Variants in CTSZ observed in about 807,000 individuals in gnomAD.
The protein encoded by CTSZ is cathepsin Z.
A neutral mutation model predicts 32.4 loss-of-function variants in CTSZ; 39 were observed. That is an observed-to-expected ratio of 1.20 (90% CI 0.93 to 1.57). CTSZ has a LOEUF of 1.57. CTSZ is among the 40% of genes most tolerant of loss of function. The pLI, the probability that CTSZ is intolerant of heterozygous loss-of-function variation, is 0.00. For synonymous variants in CTSZ, 168 were observed against 170.1 expected, an observed-to-expected ratio of 0.99 and a Z score of 0.10; for missense variants, 397 against 419.6, an observed-to-expected ratio of 0.95 and a Z score of 0.47.
intron 1 of CTSZ, 107 bp downstream of exon 1, chr20:59,006,879 C>T (rs2091910579): frequency 2.4e-5 from 24 of 1,011,988 alleles, no homozygotes; most frequent in Non-Finnish European, 2.9e-5. Context: ...TGGATCTGAC[C>T]TTCCAAGGCC....
Position 58,995,570 on chromosome 20 carries a change from TG to T in CTSZ, c.*78del. 1 of 1,345,148 alleles carries T rather than the reference TG, an allele frequency of 7.4e-7. No homozygotes were observed. Among genetic ancestry groups the T allele is most frequent in the Non-Finnish European group, 1.1e-6 (1 of 942,732 alleles). The allele number at this position is 1,345,148 out of a possible 1,614,324, so 83.3% of individuals were successfully genotyped here. A position where few individuals can be genotyped will look rare whatever the true frequency, so the allele number is the denominator to read the frequency against. The stretch of plus-strand genomic sequence containing the variant: ...CCACCCCAGTTCCTGCCAGCCAGCC[TG>T]GCACACATAACCATAGGATCCCCTC... On this transcript the variant is annotated 3_prime_UTR_variant, in exon 6 of 6. Transcript: ENST00000217131.
At chr20:58,996,853 G>T in intron 4 of CTSZ, 52 bp from the exon 5 acceptor site, 1 of 1,586,200 alleles carries the variant, frequency 6.3e-7, no homozygotes, top group African/African-American at 1.3e-5. Flanking sequence ...AGAATTTACC[G>T]TCATTAGAAA....
chr20:58,995,267 T>G lies in CTSZ; in HGVS notation c.*382A>C, dbSNP rs140754734. 127 of 161,524 alleles carry G rather than the reference T, an allele frequency of 7.9e-4. No individual in the cohort carries two copies. Among genetic ancestry groups the G allele is most frequent in the Middle Eastern group, 2.9e-3 (1 of 346 alleles). The allele number at this position is 161,524 out of a possible 1,614,324, so 10.0% of individuals were successfully genotyped here. ...CCTCCCTCCCTCCCCCACCCTTGAT[T>G]CTAAAGTGACATAAGAATGGTGATA... On this transcript the variant is annotated 3_prime_UTR_variant, in exon 6 of 6. Coordinates refer to ENST00000217131, the MANE Select transcript of CTSZ (RefSeq NM_001336.4).
intron 3 of CTSZ, among the ~76,000 whole-genome samples, chr20:59,000,343 A>C (rs1005649610): frequency 1.8e-4 from 28 of 152,260 alleles, no homozygotes; most frequent in Non-Finnish European, 1.8e-4. Context: ...GTGCCATTGC[A>C]CTCCAGCCTG....
chr20:59,002,124 G>C lies in CTSZ; in HGVS notation c.308-480C>G, dbSNP rs1470777826. 6.6e-6 allele frequency among the ~76,000 whole-genome samples: 1 copy of C among 152,258 alleles called. No individual in the cohort carries two copies. The highest frequency in any genetic ancestry group is 1.5e-5 in the Non-Finnish European group (1 of 68,038). On this transcript the variant is annotated intron_variant, in intron 2 of 5. Coordinates refer to ENST00000217131, the MANE Select transcript of CTSZ (RefSeq NM_001336.4). The surrounding 1 kb of genome is among the most constrained non-coding windows in gnomAD (Gnocchi z 4.1). ...CAGGGAGCCGCATGAGCCCCAGTGA[G>C]GGGCCAGATGCGGTCCTGAGGGCTG...
chr20:59,006,965 T>C (rs1206390119), intron 1 of CTSZ, 21 bp downstream of exon 1: 43 of 1,410,424 alleles, frequency 3.0e-5, no homozygotes, highest in Non-Finnish European at 3.9e-5. Context: ...CCCCCAGGGC[T>C]GCCTCCCCGC....
Position 58,995,488 on chromosome 20 carries a change from ACT to A in CTSZ, c.*159_*160del, listed in dbSNP as rs1283890103. ...AGTGTCATAAGTCATCCCACTTTCAACTCTCAGGAACACTCGCAGCCAGTGCC... is the reference window on the plus strand; with the variant it reads ...AGTGTCATAAGTCATCCCACTTTCAACTCAGGAACACTCGCAGCCAGTGCC... On this transcript the variant is annotated 3_prime_UTR_variant, in exon 6 of 6. Coordinates refer to ENST00000217131, the MANE Select transcript of CTSZ (RefSeq NM_001336.4). 11 of 603,572 alleles carry A rather than the reference ACT, an allele frequency of 1.8e-5. 1 individual carries two copies. Among genetic ancestry groups the A allele is most frequent in the East Asian group, 8.5e-5 (3 of 35,174 alleles). 37.4% of individuals were successfully genotyped at this position (603,572 alleles called of 1,614,324 possible).
chr20:58,996,438 T>G (rs1429855421), intron 5 of CTSZ: 1 of 584,264 alleles, frequency 1.7e-6, no homozygotes, highest in Non-Finnish European at 3.0e-6. Context: ...ACACCCAAAG[T>G]GCACAGGATG....
At chr20:58,997,559 T>TCACCCGCGGGACCTTC (rs750082582) in intron 4 of CTSZ, 44 bp downstream of exon 4, 203 of 1,501,442 alleles carry the variant, frequency 1.4e-4, no homozygotes, top group African/African-American at 4.1e-4. Context: ...GCGGGACCTT[T>TCACCCGCGGGACCTTC]CCTCACCCGC....
At chr20:58,997,311 G>A (rs768878379) in intron 4 of CTSZ, 8 of 288,394 alleles carry the variant, frequency 2.8e-5, no homozygotes, top group Admixed American at 5.0e-5. Context: ...AGCTTGGAGC[G>A]TCTCATCCGC....
chr20:59,005,902 C>T (rs1272623448), intron 2 of CTSZ: 3 of 171,944 alleles, frequency 1.7e-5, no homozygotes, highest in Non-Finnish European at 2.5e-5. Flanking sequence ...CAGGTTAGGC[C>T]ATGGGCTGTA....
chr20:59,005,104 T>C (rs894604722), intron 2 of CTSZ, among the ~76,000 whole-genome samples: 5 of 152,042 alleles, frequency 3.3e-5, no homozygotes, highest in Non-Finnish European at 5.9e-5. Context: ...TGCCCAGTCC[T>C]CTGCCTCTAG....
In CTSZ at chr20:58,995,583, C is replaced by CAT; in HGVS notation, c.*64_*65dup. The CAT allele has an allele frequency of 6.8e-7, 1 of 1,462,966 alleles. No individual in the cohort carries two copies. Among genetic ancestry groups the CAT allele is most frequent in the Non-Finnish European group, 9.6e-7 (1 of 1,045,822 alleles). The allele number at this position is 1,462,966 out of a possible 1,614,324, so 90.6% of individuals were successfully genotyped here. On this transcript the variant is annotated 3_prime_UTR_variant, in exon 6 of 6. Coordinates refer to ENST00000217131, the MANE Select transcript of CTSZ (RefSeq NM_001336.4). The stretch of plus-strand genomic sequence containing the variant: ...TGCCAGCCAGCCTGGCACACATAAC[C>CAT]ATAGGATCCCCTCTGGTCATGGGTC...
At chr20:59,000,682 C>A (rs1459448161) in intron 3 of CTSZ, among the ~76,000 whole-genome samples, 1 of 152,162 alleles carries the variant, frequency 6.6e-6, no homozygotes, top group African/African-American at 2.4e-5. Context: ...CTCCACAAGG[C>A]CCCCTACACC....
Position 58,995,450 on chromosome 20 carries a change from GCC to G in CTSZ, c.*197_*198del. 1.9e-6 allele frequency: 1 copy of G among 520,066 alleles called. No homozygotes were observed. The highest frequency in any genetic ancestry group is 1.9e-5 in the African/African-American group (1 of 51,396). 32.2% of individuals were successfully genotyped at this position (520,066 alleles called of 1,614,324 possible). ...GCTGACTGCATCATTGTGAGGCAGA[GCC>G]ATGCTGTGCAAGTGTCATAAGTCAT... is the stretch of plus-strand genomic sequence containing the variant. On this transcript the variant is annotated 3_prime_UTR_variant, in exon 6 of 6. Coordinates refer to ENST00000217131, the MANE Select transcript of CTSZ (RefSeq NM_001336.4).
chr20:59,005,229 G>A (rs181975098), intron 2 of CTSZ, among the ~76,000 whole-genome samples: 29 of 152,232 alleles, frequency 1.9e-4, no homozygotes, highest in African/African-American at 6.3e-4. Context: ...GAGACGCCAC[G>A]GATGCCACAG....
chr20:59,005,337 G>A (rs904566926), intron 2 of CTSZ, among the ~76,000 whole-genome samples: 1 of 152,152 alleles, frequency 6.6e-6, no homozygotes, highest in Non-Finnish European at 1.5e-5. Context: ...ACAAAGCCCA[G>A]GCTTCCGGGC....
chr20:58,995,878 C>A, intron 5 of CTSZ, 119 bp from the exon 6 acceptor site: 1 of 780,606 alleles, frequency 1.3e-6, no homozygotes. Flanking sequence ...TTGGGGGATC[C>A]AGACAGCCCA....
At chr20:59,000,683 C>T (rs1392911061) in intron 3 of CTSZ, among the ~76,000 whole-genome samples, 1 of 152,148 alleles carries the variant, frequency 6.6e-6, no homozygotes, top group Non-Finnish European at 1.5e-5. Flanking sequence ...TCCACAAGGC[C>T]CCCTACACCT....
Sources: allele counts gnomAD v4.1 joint callset (sites outside exome capture counted in the v4.1 genomes callset), GRCh38; gene constraint gnomAD v4.1.1; non-coding constraint Gnocchi (gnomAD v3.1); transcripts MANE v1.5; gene names NCBI Gene and HGNC (gene_info 2026-07-23, HGNC 2026-07-21).